Variants in RCC2 observed in about 807,000 individuals in gnomAD.
The protein encoded by RCC2 is protein RCC2.
In RCC2, 19 loss-of-function variants were observed where a neutral mutation model predicts 64.1. The observed-to-expected ratio is 0.30, with a 90% CI of 0.21 to 0.44. The LOEUF (loss-of-function observed/expected upper bound fraction) is 0.44. Ranked by LOEUF, RCC2 falls within the 20% of genes least tolerant of loss-of-function variation. RCC2 has a pLI of 1.00. For missense variants in RCC2, 508 were observed against 710.4 expected (o/e 0.72, Z 3.24); for synonymous variants, 325 against 279.6 (o/e 1.16, Z -1.62).
intron 1 of RCC2, among the ~76,000 whole-genome samples, chr1:17,439,260 C>T (rs11203388): frequency 0.25 from 38,212 of 150,754 alleles, 5,038 homozygotes; most frequent in East Asian, 0.38. Context: ...CCCGGCCGGT[C>T]TCCGATTCGA....
chr1:17,418,741 A>G (rs183093782), intron 7 of RCC2, among the ~76,000 whole-genome samples: 27 of 152,336 alleles, frequency 1.8e-4, no homozygotes, highest in Middle Eastern at 6.8e-3. Flanking sequence ...ATCACAGTAA[A>G]TAGAATGCAT....
chr1:17,437,898 AGGGGCGCAGAGGGAGCTGTGGGGGC>A (rs2075756404), intron 2 of RCC2, among the ~76,000 whole-genome samples: 1 of 125,648 alleles, frequency 8.0e-6, no homozygotes. Flanking sequence ...GCGGGGGGGG[AGGGGCGCAGAGGGAGCTGTGGGGGC>A]GGGGCCATGA....
intron 1 of RCC2, 180 bp from the exon 2 acceptor site, chr1:17,438,702 G>A (rs749484517): frequency 1.1e-5 from 6 of 532,730 alleles, no homozygotes; most frequent in Non-Finnish European, 1.4e-5. Context: ...CCCTGGCCCC[G>A]GCGCGGCTCC....
chr1:17,438,558 C>T, intron 1 of RCC2, 36 bp from the exon 2 acceptor site: 1 of 1,298,884 alleles, frequency 7.7e-7, no homozygotes, highest in Non-Finnish European at 9.8e-7. Context: ...GCACAATGGA[C>T]GGGTTATAAA....
rs573218228 is a variant in RCC2 at position 17,430,472 on chromosome 1, T to A, written c.286-1273A>T. ...CACCTGCTCTCCAGCTTAGGTGACATAGCCAGGCCTTGTCTCAAAAAAAAA... is the reference window on the plus strand; with the variant it reads ...CACCTGCTCTCCAGCTTAGGTGACAAAGCCAGGCCTTGTCTCAAAAAAAAA... On this transcript the variant is annotated intron_variant, in intron 2 of 12. Transcript: ENST00000375436. 9.1e-4 allele frequency among the ~76,000 whole-genome samples: 112 copies of A among 123,546 alleles called. 1 individual carries two copies. The highest frequency in any genetic ancestry group is 3.5e-3 in the African/African-American group (108 of 30,690). 81.1% of individuals were successfully genotyped at this position (123,546 alleles called of 152,430 possible).
chr1:17,420,146 G>C (rs1162568510), intron 7 of RCC2, among the ~76,000 whole-genome samples: 1 of 152,168 alleles, frequency 6.6e-6, no homozygotes, highest in East Asian at 1.9e-4. Flanking sequence ...AAGGAGAATG[G>C]AGACCATCAG....
intron 12 of RCC2, among the ~76,000 whole-genome samples, 179 bp from the exon 13 acceptor site, chr1:17,409,373 G>A (rs115730509): frequency 0.032 from 4,864 of 152,300 alleles, 120 homozygotes; most frequent in Non-Finnish European, 0.047. Flanking sequence ...TGCCACCAAC[G>A]CTCTGCCAAT....
At chr1:17,422,955 C>A in intron 4 of RCC2, 119 bp from the exon 5 acceptor site, 2 of 1,198,876 alleles carry the variant, frequency 1.7e-6, no homozygotes, top group Non-Finnish European at 2.2e-6. Context: ...AAGGTACCCT[C>A]CAAATTCCCA....
chr1:17,434,582 G>A (rs1433393835), intron 2 of RCC2, among the ~76,000 whole-genome samples: 2 of 152,196 alleles, frequency 1.3e-5, no homozygotes, highest in Non-Finnish European at 2.9e-5. Flanking sequence ...CAAAGAGGGG[G>A]TCATGAGAAC....
chr1:17,431,129 G>A (rs1255762671), intron 2 of RCC2, among the ~76,000 whole-genome samples: 1 of 150,440 alleles, frequency 6.6e-6, no homozygotes, highest in African/African-American at 2.4e-5. Flanking sequence ...TCAGGAGATA[G>A]AGACCATCCT....
chr1:17,425,734 C>T, intron 3 of RCC2, 50 bp from the exon 4 acceptor site: 1 of 1,553,814 alleles, frequency 6.4e-7, no homozygotes, highest in Non-Finnish European at 8.8e-7. Context: ...GGTGGGGTGA[C>T]CTCCAAAATG....
intron 4 of RCC2, among the ~76,000 whole-genome samples, chr1:17,425,025 G>C (rs763527824): frequency 6.6e-6 from 1 of 152,162 alleles, no homozygotes; most frequent in African/African-American, 2.4e-5. Flanking sequence ...CAGACAACAC[G>C]GACAGTGAGC....
At chr1:17,439,206 T>A (rs910325398) in intron 1 of RCC2, among the ~76,000 whole-genome samples, 1 of 151,838 alleles carries the variant, frequency 6.6e-6, no homozygotes, top group Non-Finnish European at 1.5e-5. Context: ...ATAAAAACTT[T>A]AATGGTGCCC....
At chr1:17,437,915 T>C (rs1570216959) in intron 2 of RCC2, among the ~76,000 whole-genome samples, 1 of 142,426 alleles carries the variant, frequency 7.0e-6, no homozygotes, top group East Asian at 2.1e-4. Flanking sequence ...CAGAGGGAGC[T>C]GTGGGGGCGG....
chr1:17,438,205 C>A, intron 2 of RCC2, 25 bp downstream of exon 2: 1 of 1,209,600 alleles, frequency 8.3e-7, no homozygotes, highest in Non-Finnish European at 1.0e-6. Flanking sequence ...CCTGCGCCCA[C>A]CCGTCTACCC....
At chr1:17,431,351 AAAAAAAAAAT>A (rs1159069647) in intron 2 of RCC2, among the ~76,000 whole-genome samples, 1 of 50,548 alleles carries the variant, frequency 2.0e-5, no homozygotes. Flanking sequence ...AAAAAAAAAA[AAAAAAAAAAT>A]ATATATATAT....
intron 8 of RCC2, among the ~76,000 whole-genome samples, chr1:17,415,473 G>A (rs1288422593): frequency 2.0e-5 from 3 of 152,150 alleles, no homozygotes; most frequent in African/African-American, 7.2e-5. Context: ...AGCACTTTGG[G>A]AGGCCGAGGC....
At chr1:17,428,990 A>G in intron 3 of RCC2, 116 bp downstream of exon 3, 1 of 807,806 alleles carries the variant, frequency 1.2e-6, no homozygotes, top group Non-Finnish European at 2.1e-6. Context: ...CAGGCAAGTC[A>G]CTTGGCCTCT....
intron 10 of RCC2, among the ~76,000 whole-genome samples, chr1:17,412,541 A>G (rs530095642): frequency 6.6e-6 from 1 of 152,334 alleles, no homozygotes; most frequent in Non-Finnish European, 1.5e-5. Context: ...AGCAGCCTTC[A>G]TGCATAATGA....
Sources: allele counts gnomAD v4.1 joint callset (sites outside exome capture counted in the v4.1 genomes callset), GRCh38; gene constraint gnomAD v4.1.1; transcripts MANE v1.5; gene names NCBI Gene and HGNC (gene_info 2026-07-23, HGNC 2026-07-21).